KCNT2: variants seen among roughly 807,000 people sequenced by gnomAD.
The protein encoded by KCNT2 is potassium channel subfamily T member 2.
In KCNT2, 67 loss-of-function variants were observed where a neutral mutation model predicts 153.8. The observed-to-expected ratio is 0.44, with a 90% CI of 0.36 to 0.53. The LOEUF (loss-of-function observed/expected upper bound fraction) is 0.53, where lower values mean the gene tolerates loss of function less well. Among genes scored for constraint, KCNT2 ranks in the 20% least tolerant of loss-of-function variants. The probability of loss-of-function intolerance (pLI) is 0.00; values close to 1 mark genes in which losing one functional copy is unlikely to be tolerated. For missense variants in KCNT2, 975 were observed against 1,354.8 expected, an observed-to-expected ratio of 0.72 and a Z score of 4.40; for synonymous variants, 500 against 458.8, an observed-to-expected ratio of 1.09 and a Z score of -1.15.
chr1:196,327,404 A>T (rs1437047735), intron 18 of KCNT2, among the ~76,000 whole-genome samples: 1 of 152,064 alleles, frequency 6.6e-6, no homozygotes, highest in Non-Finnish European at 1.5e-5. Flanking sequence ...AAAGTAAAAT[A>T]CCCAATAATA....
chr1:196,514,614 G>A (rs1681901277), intron 1 of KCNT2, among the ~76,000 whole-genome samples: 1 of 152,062 alleles, frequency 6.6e-6, no homozygotes, highest in South Asian at 2.1e-4. Flanking sequence ...AATATGTGTT[G>A]TATTTACCTA....
intron 25 of KCNT2, among the ~76,000 whole-genome samples, chr1:196,262,451 G>C (rs989666664): frequency 6.6e-6 from 1 of 151,886 alleles, no homozygotes; most frequent in Non-Finnish European, 1.5e-5. Context: ...AAGAAGAAAA[G>C]AAAATGAAAT....
chr1:196,459,702 C>T (rs1010847903), intron 8 of KCNT2, among the ~76,000 whole-genome samples: 1 of 151,758 alleles, frequency 6.6e-6, no homozygotes, highest in Non-Finnish European at 1.5e-5. Flanking sequence ...AAGACTGGGA[C>T]AAAATTAGAA....
intron 25 of KCNT2, among the ~76,000 whole-genome samples, chr1:196,262,571 T>A (rs1181098315): frequency 1.3e-5 from 2 of 151,976 alleles, no homozygotes; most frequent in African/African-American, 4.8e-5. Flanking sequence ...AATTTAAATA[T>A]ATAAGCACCA....
intron 12 of KCNT2, 90 bp from the exon 13 acceptor site, chr1:196,398,761 A>T: frequency 1.6e-6 from 1 of 638,742 alleles, no homozygotes; most frequent in Non-Finnish European, 2.7e-6. Context: ...GCTTGGTCAC[A>T]TCCATAGTTA....
chr1:196,448,501 T>C (rs780645201), intron 8 of KCNT2, among the ~76,000 whole-genome samples: 8 of 151,660 alleles, frequency 5.3e-5, no homozygotes, highest in Non-Finnish European at 1.0e-4. Context: ...CTCTCTCTAA[T>C]GAGAGCTAAG....
At chr1:196,307,989 A>G (rs1661799472) in intron 21 of KCNT2, among the ~76,000 whole-genome samples, 1 of 152,076 alleles carries the variant, frequency 6.6e-6, no homozygotes, top group Non-Finnish European at 1.5e-5. Flanking sequence ...GTTGTCACAG[A>G]CAAAATTCCA....
intron 5 of KCNT2, among the ~76,000 whole-genome samples, chr1:196,471,417 T>C (rs1194499559): frequency 6.6e-5 from 10 of 152,032 alleles, no homozygotes; most frequent in Non-Finnish European, 1.5e-4. Flanking sequence ...TATGCCATGT[T>C]TTTTTTTAAT....
chr1:196,383,598 C>A (rs1669695585), intron 13 of KCNT2, among the ~76,000 whole-genome samples: 1 of 152,036 alleles, frequency 6.6e-6, no homozygotes, highest in Non-Finnish European at 1.5e-5. Flanking sequence ...ACTTTATGGG[C>A]TGAACAGTAT....
chr1:196,352,203 G>T (rs1193146906), intron 14 of KCNT2, among the ~76,000 whole-genome samples: 3 of 151,820 alleles, frequency 2.0e-5, no homozygotes, highest in Admixed American at 2.0e-4. Flanking sequence ...TTGGTATCAG[G>T]ATGATGCTGG....
At chr1:196,290,894 C>T (rs912897525) in intron 22 of KCNT2, among the ~76,000 whole-genome samples, 24 of 152,020 alleles carry the variant, frequency 1.6e-4, no homozygotes, top group African/African-American at 3.9e-4. Flanking sequence ...ACAAGTCTGA[C>T]GATGCCACCT....
intron 19 of KCNT2, among the ~76,000 whole-genome samples, chr1:196,323,142 G>T (rs1572035867): frequency 6.6e-6 from 1 of 151,956 alleles, no homozygotes; most frequent in East Asian, 1.9e-4. Context: ...TTAGAACTTA[G>T]ATCTGAATAA....
At chr1:196,348,941 T>C (rs1666375529) in intron 14 of KCNT2, among the ~76,000 whole-genome samples, 1 of 151,878 alleles carries the variant, frequency 6.6e-6, no homozygotes, top group African/African-American at 2.4e-5. Flanking sequence ...TACTCCAGCC[T>C]GGGCAACAAA....
chr1:196,431,382 G>A (rs1416613400), intron 8 of KCNT2, among the ~76,000 whole-genome samples: 2 of 152,100 alleles, frequency 1.3e-5, no homozygotes, highest in South Asian at 4.1e-4. Context: ...TAGATTTTCA[G>A]TGTTTAAGGG....
At chr1:196,411,213 T>G (rs1672299292) in intron 12 of KCNT2, among the ~76,000 whole-genome samples, 1 of 151,214 alleles carries the variant, frequency 6.6e-6, no homozygotes, top group South Asian at 2.1e-4. Flanking sequence ...GACAACCTCG[T>G]CAAAGATCAG....
At chr1:196,519,315 A>G (rs552541782) in intron 1 of KCNT2, among the ~76,000 whole-genome samples, 6 of 152,244 alleles carry the variant, frequency 3.9e-5, no homozygotes, top group African/African-American at 1.4e-4. Context: ...AGGGAAATTT[A>G]TAGCATTAAA....
intron 1 of KCNT2, among the ~76,000 whole-genome samples, chr1:196,564,383 C>T (rs771806985): frequency 1.8e-4 from 27 of 151,778 alleles, no homozygotes; most frequent in Admixed American, 3.3e-4. Context: ...ATTGCATGTT[C>T]ATGGAATATA....
intron 13 of KCNT2, among the ~76,000 whole-genome samples, chr1:196,390,619 C>T (rs1167077570): frequency 6.6e-6 from 1 of 151,312 alleles, no homozygotes; most frequent in Admixed American, 6.6e-5. Context: ...AACATTTCCC[C>T]TAGAGTTATT....
rs1676582317 is a variant in KCNT2, at chr1:196,455,473, A to C, written c.638+9820T>G. ...ATGCTGAGATGGTGGTTTTTTTCTA[A>C]TATTTTAATCTCTAGACTCACATCT... On this transcript the variant is annotated intron_variant, in intron 8 of 27. Transcript: ENST00000294725. Among the ~76,000 whole-genome samples, 2 of 152,056 alleles carry C rather than the reference A, an allele frequency of 1.3e-5. 1 individual carries two copies. Among genetic ancestry groups the C allele is most frequent in the Middle Eastern group, 6.8e-3 (2 of 294 alleles).
Sources: gnomAD v4.1 joint callset for allele counts (sites outside exome capture counted in the v4.1 genomes callset) on GRCh38, gnomAD v4.1.1 for gene constraint, MANE v1.5 for transcripts, NCBI Gene and HGNC (gene_info 2026-07-23, HGNC 2026-07-21) for gene names.